GRB10: variants seen among roughly 807,000 people sequenced by gnomAD.
GRB10 encodes the protein growth factor receptor-bound protein 10.
In GRB10, 20 loss-of-function variants were observed where a neutral mutation model predicts 80.9. That is an observed-to-expected ratio of 0.25 (90% CI 0.17 to 0.36). The LOEUF is 0.36. GRB10 is among the 10% of genes least tolerant of loss of function. GRB10 has a pLI of 1.00. For synonymous variants in GRB10, 291 were observed against 291.5 expected (o/e 1.00, Z 0.02); for missense variants, 548 against 747.7 (o/e 0.73, Z 3.12).
intron 5 of GRB10, among the ~76,000 whole-genome samples, chr7:50,699,298 G>A (rs949712180): frequency 8.5e-5 from 13 of 152,312 alleles, no homozygotes; most frequent in Non-Finnish European, 1.5e-4. Context: ...GACCTCCAGT[G>A]ACAGCAGGCA....
intron 5 of GRB10, among the ~76,000 whole-genome samples, chr7:50,686,565 G>T (rs1323144950): frequency 6.6e-6 from 1 of 152,188 alleles, no homozygotes. Flanking sequence ...CACAGGGAGA[G>T]AGATTTCACA....
At chr7:50,764,461 G>A (rs970208096) in intron 2 of GRB10, among the ~76,000 whole-genome samples, 3 of 152,080 alleles carry the variant, frequency 2.0e-5, no homozygotes, top group Non-Finnish European at 4.4e-5. Flanking sequence ...TGAACTTATG[G>A]AAAAAAATGC....
chr7:50,685,502 C>T (rs1454503375), intron 5 of GRB10, among the ~76,000 whole-genome samples: 1 of 152,090 alleles, frequency 6.6e-6, no homozygotes, highest in Non-Finnish European at 1.5e-5. Flanking sequence ...GATCCCAAGC[C>T]CCAGCGTTCT....
In GRB10 at chr7:50,604,046, G is replaced by C; in HGVS notation, c.1496C>G (p.Ser499Cys). The C allele has an allele frequency of 6.2e-7, 1 of 1,614,166 alleles. No individual in the cohort carries two copies. Among genetic ancestry groups the C allele is most frequent in the Non-Finnish European group, 8.5e-7 (1 of 1,179,998 alleles). ...AATGATCCTGTGGGATTCCTCCCTG[G>C]AGATCCTCCCGTGAAACCAGTGCTG... ...RTQHWFHGRI[S>C]REESHRIIKQ... Residue 499 changes from serine (S) to cysteine (C), a missense_variant, in exon 17 of 19, where the codon TCC becomes TGC. Ser to Cys is a moderately radical substitution (Grantham distance 112). Coordinates refer to ENST00000401949, the MANE Select transcript of GRB10 (RefSeq NM_001350814.2).
chr7:50,747,040 C>T (rs900006518), intron 3 of GRB10, among the ~76,000 whole-genome samples: 3 of 152,186 alleles, frequency 2.0e-5, no homozygotes, highest in Non-Finnish European at 2.9e-5. Context: ...AAAGCATGTT[C>T]GAAACCCGCT....
intron 10 of GRB10, among the ~76,000 whole-genome samples, chr7:50,617,588 C>A (rs1005140585): frequency 2.6e-5 from 4 of 152,170 alleles, no homozygotes; most frequent in Non-Finnish European, 4.4e-5. Flanking sequence ...ACAATTAAAG[C>A]AGGTTTCTTT....
chr7:50,646,266 T>C (rs1324031809), intron 7 of GRB10, among the ~76,000 whole-genome samples: 1 of 152,212 alleles, frequency 6.6e-6, no homozygotes, highest in Non-Finnish European at 1.5e-5. Context: ...GGGCCCTTGT[T>C]TCCGGGAGCT....
intron 5 of GRB10, among the ~76,000 whole-genome samples, chr7:50,682,880 C>T (rs543735050): frequency 4.7e-4 from 72 of 152,216 alleles, no homozygotes; most frequent in African/African-American, 1.7e-3. Flanking sequence ...GAAATTTGGG[C>T]TTATTCATAT....
chr7:50,653,381 C>T (rs935095549), intron 7 of GRB10, among the ~76,000 whole-genome samples: 9 of 152,220 alleles, frequency 5.9e-5, no homozygotes, highest in Non-Finnish European at 1.2e-4. Flanking sequence ...CTCCCACAGC[C>T]TCCAGACGCT....
chr7:50,646,200 CT>C (rs777790955), intron 7 of GRB10, among the ~76,000 whole-genome samples: 2 of 152,246 alleles, frequency 1.3e-5, no homozygotes, highest in African/African-American at 4.8e-5. Flanking sequence ...TCAGTAGCGT[CT>C]TTTCCCCTAG....
In GRB10 at chr7:50,667,331, A is replaced by C. The variant is rs573727722; in HGVS notation, c.504+2391T>G. 2.5e-3 allele frequency among the ~76,000 whole-genome samples: 377 copies of C among 152,280 alleles called. 2 individuals carry two copies. Among genetic ancestry groups the C allele is most frequent in the Middle Eastern group, 0.017 (5 of 294 alleles). On this transcript the variant is annotated intron_variant, in intron 7 of 18. Coordinates refer to ENST00000401949, the MANE Select transcript of GRB10 (RefSeq NM_001350814.2). ...TACGTTAACTGAGTTCTTCCCTGTGAGCAAAGCCACTTTATGTATCGGGTC... is the reference window on the plus strand; with the variant it reads ...TACGTTAACTGAGTTCTTCCCTGTGCGCAAAGCCACTTTATGTATCGGGTC...
At chr7:50,777,190 G>A (rs1178016245) in intron 2 of GRB10, among the ~76,000 whole-genome samples, 3 of 152,212 alleles carry the variant, frequency 2.0e-5, no homozygotes, top group South Asian at 2.1e-4. Flanking sequence ...CTTCCAAGAT[G>A]GTGCCTTGTT....
chr7:50,703,086 T>G (rs2064480853), intron 5 of GRB10, among the ~76,000 whole-genome samples: 1 of 152,252 alleles, frequency 6.6e-6, no homozygotes, highest in African/African-American at 2.4e-5. Flanking sequence ...ACAGCTTTTA[T>G]GAATCTTCTA....
At chr7:50,647,033 G>A (rs1188897095) in intron 7 of GRB10, among the ~76,000 whole-genome samples, 3 of 152,194 alleles carry the variant, frequency 2.0e-5, no homozygotes, top group African/African-American at 7.2e-5. Context: ...AGAAAGTGTG[G>A]AGCATAAGAT....
Position 50,626,996 on chromosome 7 carries a change from G to A in GRB10, c.505-18C>T. 6.2e-7 allele frequency: 1 copy of A among 1,613,122 alleles called. No individual in the cohort carries two copies. Among genetic ancestry groups the A allele is most frequent in the Non-Finnish European group, 8.5e-7 (1 of 1,179,168 alleles). On this transcript the variant is annotated intron_variant, in intron 7 of 18. Transcript: ENST00000401949. Reference sequence around the variant, plus strand: ...TTAACATCCTGCAACACACAAAGGGGATAGTTACAGATAAACAACTTCGGG... The same window carrying A: ...TTAACATCCTGCAACACACAAAGGGAATAGTTACAGATAAACAACTTCGGG...
chr7:50,754,590 C>T (rs1051227690), intron 3 of GRB10, among the ~76,000 whole-genome samples: 1 of 152,230 alleles, frequency 6.6e-6, no homozygotes, highest in East Asian at 1.9e-4. Flanking sequence ...AAAATGTCCA[C>T]ATGCGCACCT....
At position 50,674,644 on chromosome 7, in the gene GRB10, G is replaced by A. The variant is rs764570342; in HGVS notation, c.154C>T (p.Leu52=). ...TTCATATCGTTCACCAGGGCTTCCA[G>A]GTCCACATCATCCTCTGCACAGAAA... ...LANHQEDDVD[L]EALVNDMNAS... Residue 52 remains leucine (L), a synonymous_variant, in exon 6 of 19, where the codon CTG becomes TTG. Transcript: ENST00000401949. 5 of 1,613,788 alleles carry A rather than the reference G, an allele frequency of 3.1e-6. No individual in the cohort carries two copies. The highest frequency in any genetic ancestry group is 4.2e-6 in the Non-Finnish European group (5 of 1,180,002).
rs2060190494 is a variant in GRB10, at chr7:50,669,929, T to C, written c.363-66A>G. 2.6e-6 allele frequency: 4 copies of C among 1,537,042 alleles called. No homozygotes were observed. In the South Asian group the frequency reaches 3.6e-5, roughly 14 times the overall value. On this transcript the variant is annotated intron_variant, in intron 6 of 18. Coordinates refer to ENST00000401949, the MANE Select transcript of GRB10 (RefSeq NM_001350814.2). The stretch of plus-strand genomic sequence containing the variant: ...CCCACATGACCCAGCCTTACCACTG[T>C]GGTGATACACCCAGAAAGCAGGACA...
intron 18 of GRB10, among the ~76,000 whole-genome samples, chr7:50,594,122 T>C (rs2046233091): frequency 6.6e-6 from 1 of 152,214 alleles, no homozygotes; most frequent in African/African-American, 2.4e-5. Flanking sequence ...GCACTTTCCC[T>C]AGGACAGTAA....
Sources: gnomAD v4.1 joint callset for allele counts (sites outside exome capture counted in the v4.1 genomes callset) on GRCh38, gnomAD v4.1.1 for gene constraint, MANE v1.5 for transcripts, NCBI Gene and HGNC (gene_info 2026-07-23, HGNC 2026-07-21) for gene names.